Variants in ATG10 observed in about 807,000 individuals in gnomAD.
The protein encoded by ATG10 is autophagy related 10, also known as ubiquitin-like-conjugating enzyme ATG10.
A neutral mutation model predicts 32.1 loss-of-function variants in ATG10; 30 were observed. The ratio of observed to expected loss-of-function variants is 0.94; its 90% CI spans 0.70 to 1.27. ATG10 has a LOEUF of 1.27. Among genes scored for constraint, ATG10 ranks in the 50% most tolerant of loss-of-function variants. The pLI is 0.00. For missense variants in ATG10, 233 were observed against 262.3 expected (o/e 0.89, Z 0.77); for synonymous variants, 87 against 91.5 (o/e 0.95, Z 0.28).
chr5:81,982,477 T>C (rs1304357981), intron 1 of ATG10, among the ~76,000 whole-genome samples: 2 of 151,774 alleles, frequency 1.3e-5, no homozygotes, highest in African/African-American at 4.8e-5. Context: ...AAACAACTTA[T>C]ACTTTATGAC....
chr5:82,150,314 C>T (rs894130992), intron 3 of ATG10, among the ~76,000 whole-genome samples: 2 of 149,544 alleles, frequency 1.3e-5, no homozygotes, highest in South Asian at 4.5e-4. Flanking sequence ...CAAATCAAGT[C>T]ACTACGTATA....
intron 5 of ATG10, among the ~76,000 whole-genome samples, chr5:82,179,466 G>C (rs1392959832): frequency 6.6e-6 from 1 of 151,978 alleles, no homozygotes; most frequent in African/African-American, 2.4e-5. Flanking sequence ...TTGCAAAAAA[G>C]AAGAGCTTTT....
intron 3 of ATG10, among the ~76,000 whole-genome samples, chr5:82,156,696 A>C (rs1159447519): frequency 6.6e-6 from 1 of 152,238 alleles, no homozygotes; most frequent in Non-Finnish European, 1.5e-5. Context: ...CTGAAGCTTG[A>C]TAATTTTTCA....
At position 82,021,208 on chromosome 5, in the gene ATG10, A is replaced by T. The variant is rs1442387041; in HGVS notation, c.108+33530A>T. On this transcript the variant is annotated intron_variant, in intron 2 of 7. Coordinates refer to ENST00000282185, the MANE Select transcript of ATG10 (RefSeq NM_031482.5). ...CAGAAAAAAGATATAGATAAAATGT[A>T]TGGAATTTGGTATTGAATAGTAGAA... 7.9e-5 allele frequency among the ~76,000 whole-genome samples: 12 copies of T among 152,310 alleles called. No individual in the cohort carries two copies. The East Asian group carries it at 2.1e-3, about 27-fold the overall frequency.
intron 3 of ATG10, among the ~76,000 whole-genome samples, chr5:82,090,193 C>G (rs1160593278): frequency 3.3e-5 from 5 of 151,996 alleles, no homozygotes; most frequent in African/African-American, 1.2e-4. Flanking sequence ...CTCTGGAAAA[C>G]AATTTGGCTG....
chr5:82,254,389 G>C lies in ATG10; in HGVS notation c.*326G>C, dbSNP rs1311305332. 1 of 151,650 alleles carries C rather than the reference G, an allele frequency of 6.6e-6. No individual in the cohort carries two copies. Among genetic ancestry groups the C allele is most frequent in the African/African-American group, 2.4e-5 (1 of 41,264 alleles). The allele number at this position is 151,650 out of a possible 1,614,324, so 9.4% of individuals were successfully genotyped here. On this transcript the variant is annotated 3_prime_UTR_variant, in exon 8 of 8. Coordinates refer to ENST00000282185, the MANE Select transcript of ATG10 (RefSeq NM_031482.5). ...CTGGGCAACATGGTGAAACCCTGTC[G>C]GTACAAAAAAATACAAAAATTTGCC...
intron 2 of ATG10, among the ~76,000 whole-genome samples, chr5:82,038,033 G>A (rs1321132199): frequency 1.3e-5 from 2 of 152,020 alleles, no homozygotes; most frequent in African/African-American, 2.4e-5. Flanking sequence ...ATAGATTCTG[G>A]CTAACCTAAG....
intron 5 of ATG10, among the ~76,000 whole-genome samples, chr5:82,239,387 A>T (rs1206101844): frequency 2.0e-5 from 3 of 152,232 alleles, no homozygotes; most frequent in African/African-American, 4.8e-5. Flanking sequence ...TAAGATGAAA[A>T]TAGTAATCAG....
intron 4 of ATG10, among the ~76,000 whole-genome samples, chr5:82,170,343 T>C (rs1050089523): frequency 6.6e-6 from 1 of 152,186 alleles, no homozygotes; most frequent in Non-Finnish European, 1.5e-5. Flanking sequence ...CTTTTTAAAA[T>C]ATGCTGAAAC....
At chr5:82,174,558 AT>A (rs201113767) in intron 4 of ATG10, among the ~76,000 whole-genome samples, 2,151 of 152,170 alleles carry the variant, frequency 0.014, 38 homozygotes, top group African/African-American at 0.048. Flanking sequence ...AATAAGTATA[AT>A]TTTTTTTCCT....
At chr5:82,165,609 A>G (rs987900582) in intron 4 of ATG10, among the ~76,000 whole-genome samples, 2 of 152,196 alleles carry the variant, frequency 1.3e-5, no homozygotes, top group Non-Finnish European at 2.9e-5. Flanking sequence ...TCAACATGGG[A>G]CATGGGGAAT....
chr5:82,077,359 G>T (rs1764311477), intron 3 of ATG10, among the ~76,000 whole-genome samples: 1 of 151,994 alleles, frequency 6.6e-6, no homozygotes, highest in South Asian at 2.1e-4. Context: ...CAAAAAAATA[G>T]ACTAACAAAA....
Position 82,026,915 on chromosome 5 carries a change from C to T in ATG10, c.109-31580C>T, listed in dbSNP as rs1252268418. 5.3e-5 allele frequency among the ~76,000 whole-genome samples: 8 copies of T among 151,470 alleles called. No homozygotes were observed. The East Asian group carries it at 5.8e-4, about 11-fold the overall frequency. On this transcript the variant is annotated intron_variant, in intron 2 of 7. Coordinates refer to ENST00000282185, the MANE Select transcript of ATG10 (RefSeq NM_031482.5). ...CCCTACTAAAAATACAAAAATTAGC[C>T]GAGCATGGTGGTGGGTACCTGTAAT...
intron 5 of ATG10, among the ~76,000 whole-genome samples, chr5:82,202,994 G>A (rs1464356796): frequency 6.6e-6 from 1 of 152,052 alleles, no homozygotes; most frequent in African/African-American, 2.4e-5. Flanking sequence ...TTTGGAGGCC[G>A]AGGCAGATGG....
chr5:82,068,745 A>G (rs930694843), intron 3 of ATG10, among the ~76,000 whole-genome samples: 1 of 146,332 alleles, frequency 6.8e-6, no homozygotes, highest in African/African-American at 2.5e-5. Flanking sequence ...TTTCAACTTA[A>G]AGTATATATA....
intron 3 of ATG10, among the ~76,000 whole-genome samples, chr5:82,110,009 C>T (rs1305144494): frequency 1.4e-5 from 2 of 144,140 alleles, no homozygotes; most frequent in African/African-American, 5.0e-5. Context: ...TCCAAATGTT[C>T]TCATTGTTCA....
intron 5 of ATG10, among the ~76,000 whole-genome samples, chr5:82,246,456 A>G (rs1046429501): frequency 2.6e-5 from 4 of 151,866 alleles, no homozygotes; most frequent in African/African-American, 9.7e-5. Flanking sequence ...TGGGAGATTA[A>G]GGTGGAAGGA....
Position 81,977,794 on chromosome 5 carries a change from TAGG to T in ATG10, c.-13+5493_-13+5495del, listed in dbSNP as rs535535932. 1.1e-3 allele frequency among the ~76,000 whole-genome samples: 174 copies of T among 152,246 alleles called. 1 individual carries two copies. Among genetic ancestry groups the T allele is most frequent in the Admixed American group, 2.3e-3 (35 of 15,302 alleles). On this transcript the variant is annotated intron_variant, in intron 1 of 7. Transcript: ENST00000282185. ...TGCCAGGAAGTTTGACATTCTTTTC[TAGG>T]AGGACACTCACAGCAAGCACTAGGG...
At chr5:82,188,444 T>A (rs1744535705) in intron 5 of ATG10, among the ~76,000 whole-genome samples, 1 of 152,204 alleles carries the variant, frequency 6.6e-6, no homozygotes, top group African/African-American at 2.4e-5. Flanking sequence ...AATACAAAAA[T>A]AAAATACCAT....
Sources: gnomAD v4.1 joint callset for allele counts (sites outside exome capture counted in the v4.1 genomes callset) on GRCh38, gnomAD v4.1.1 for gene constraint, MANE v1.5 for transcripts, NCBI Gene and HGNC (gene_info 2026-07-23, HGNC 2026-07-21) for gene names.